FOXP1: variants seen among roughly 807,000 people sequenced by gnomAD.
FOXP1 encodes the protein forkhead box protein P1.
A neutral mutation model predicts 98.2 loss-of-function variants in FOXP1; 15 were observed. That is an observed-to-expected ratio of 0.15 (90% confidence interval 0.10 to 0.24). The LOEUF (loss-of-function observed/expected upper bound fraction) is 0.24. Ranked by LOEUF, FOXP1 falls within the 10% of genes least tolerant of loss-of-function variation. FOXP1 has a pLI of 1.00. For synonymous variants in FOXP1, 371 were observed against 314.5 expected (o/e 1.18, Z -1.90); for missense variants, 633 against 848.5 (o/e 0.75, Z 3.15).
intron 7 of FOXP1, among the ~76,000 whole-genome samples, chr3:71,063,657 A>C (rs1002141376): frequency 1.3e-5 from 2 of 152,266 alleles, no homozygotes; most frequent in East Asian, 1.9e-4. Flanking sequence ...AGTCATTGAT[A>C]GTATGATTCA....
chr3:71,283,727 T>G (rs1056981107), intron 5 of FOXP1, among the ~76,000 whole-genome samples: 1 of 152,182 alleles, frequency 6.6e-6, no homozygotes, highest in African/African-American at 2.4e-5. Context: ...AGCCTTTTGG[T>G]TTTTTTATGT....
At chr3:71,534,524 C>T (rs1436423175) in intron 2 of FOXP1, among the ~76,000 whole-genome samples, 2 of 152,202 alleles carry the variant, frequency 1.3e-5, no homozygotes, top group Admixed American at 6.5e-5. Context: ...AATTAAAAAG[C>T]TTTACTCCAA....
chr3:71,000,338 A>G (rs2041955235), intron 13 of FOXP1, among the ~76,000 whole-genome samples: 1 of 151,674 alleles, frequency 6.6e-6, no homozygotes, highest in South Asian at 2.1e-4. Context: ...ACATTAATAT[A>G]TCTGATTATG....
Position 70,957,074 on chromosome 3 carries a change from A to G in FOXP1, c.*2173T>C, listed in dbSNP as rs2032009761. The G allele has an allele frequency of 4.5e-6, 1 of 222,838 alleles. No individual in the cohort carries two copies. Among genetic ancestry groups the G allele is most frequent in the African/African-American group, 2.2e-5 (1 of 44,808 alleles). 13.8% of individuals were successfully genotyped at this position (222,838 alleles called of 1,614,324 possible). ...TTCTAGAAATACTATTATGTAATCT[A>G]GTTCAATTATGGAAGCTTTTCTGTC... On this transcript the variant is annotated 3_prime_UTR_variant, in exon 21 of 21. Transcript: ENST00000649528.
At chr3:71,000,732 T>G (rs1041391252) in intron 13 of FOXP1, among the ~76,000 whole-genome samples, 2 of 151,054 alleles carry the variant, frequency 1.3e-5, no homozygotes, top group Non-Finnish European at 2.9e-5. Context: ...TGCCCAGAAT[T>G]TGGAAACCTC....
chr3:71,141,266 C>CA (rs71621921), intron 6 of FOXP1, among the ~76,000 whole-genome samples: 23,330 of 71,304 alleles, frequency 0.33, 3,280 homozygotes, highest in East Asian at 0.45. Flanking sequence ...GACTCTGTCT[C>CA]AAAAAAAAAA....
intron 12 of FOXP1, among the ~76,000 whole-genome samples, chr3:71,009,972 T>A (rs2043354842): frequency 6.7e-6 from 1 of 150,160 alleles, no homozygotes; most frequent in African/African-American, 2.5e-5. Context: ...ACCTGGCTGG[T>A]CTCAAACTCT....
At chr3:71,065,564 C>T (rs1237828332) in intron 7 of FOXP1, 1 of 152,250 alleles carries the variant, frequency 6.6e-6, no homozygotes, top group Non-Finnish European at 1.5e-5. Flanking sequence ...CAAAGTGTGC[C>T]AGTGCGCACC....
intron 3 of FOXP1, among the ~76,000 whole-genome samples, chr3:71,457,720 G>T (rs1039593091): frequency 2.0e-5 from 3 of 152,110 alleles, no homozygotes; most frequent in African/African-American, 7.2e-5. Flanking sequence ...TTAACCACTG[G>T]GTCAAAATTT....
intron 3 of FOXP1, among the ~76,000 whole-genome samples, chr3:71,458,890 A>T (rs1454664911): frequency 6.6e-6 from 1 of 152,372 alleles, no homozygotes; most frequent in Middle Eastern, 3.4e-3. Context: ...TGACAGTCAC[A>T]AAGAACCTTG....
intron 7 of FOXP1, among the ~76,000 whole-genome samples, chr3:71,096,913 C>T (rs1257930568): frequency 2.0e-5 from 3 of 152,080 alleles, no homozygotes; most frequent in Non-Finnish European, 4.4e-5. Context: ...TATCTTAATG[C>T]ACGGATAGAT....
chr3:71,482,111 G>A (rs1044984342), intron 3 of FOXP1, among the ~76,000 whole-genome samples: 2 of 152,154 alleles, frequency 1.3e-5, no homozygotes, highest in South Asian at 2.1e-4. Context: ...CGCACATGTC[G>A]CCTGCTGTCT....
At chr3:71,378,901 C>A (rs962259727) in intron 3 of FOXP1, among the ~76,000 whole-genome samples, 2 of 151,868 alleles carry the variant, frequency 1.3e-5, no homozygotes, top group African/African-American at 4.8e-5. Flanking sequence ...GGAATGTATC[C>A]CCCATGAATA....
intron 2 of FOXP1, among the ~76,000 whole-genome samples, chr3:71,504,534 A>G (rs1050320193): frequency 1.3e-5 from 2 of 152,244 alleles, no homozygotes; most frequent in Admixed American, 6.5e-5. Flanking sequence ...ATTAAAAAAT[A>G]AAACCAAACT....
At chr3:71,320,970 T>G (rs1053270388) in intron 4 of FOXP1, among the ~76,000 whole-genome samples, 6 of 152,162 alleles carry the variant, frequency 3.9e-5, no homozygotes, top group African/African-American at 1.4e-4. Flanking sequence ...TAAAATCATC[T>G]TATTGTTTAT....
intron 15 of FOXP1, 28 bp from the exon 16 acceptor site, chr3:70,977,750 T>C (rs772274319): frequency 6.0e-5 from 96 of 1,612,854 alleles, no homozygotes; most frequent in Middle Eastern, 1.6e-4. Context: ...TCCTATTAAT[T>C]ATCACTTTTT....
At chr3:71,179,798 G>C (rs1470864513) in intron 6 of FOXP1, among the ~76,000 whole-genome samples, 1 of 152,204 alleles carries the variant, frequency 6.6e-6, no homozygotes, top group East Asian at 1.9e-4. Context: ...GATTGCAAGC[G>C]ATATAGCTTT....
chr3:71,520,540 C>A (rs1395284954), intron 2 of FOXP1, among the ~76,000 whole-genome samples: 1 of 152,194 alleles, frequency 6.6e-6, no homozygotes, highest in Non-Finnish European at 1.5e-5. Flanking sequence ...TATAAGGGGG[C>A]CTTTCCCCCA....
chr3:71,559,953 A>G (rs1014717852), intron 2 of FOXP1, among the ~76,000 whole-genome samples: 4 of 152,200 alleles, frequency 2.6e-5, no homozygotes, highest in African/African-American at 9.6e-5. Context: ...GGAAATGCTT[A>G]CATGGCAGAA....
Sources: gnomAD v4.1 joint callset for allele counts (sites outside exome capture counted in the v4.1 genomes callset) on GRCh38, gnomAD v4.1.1 for gene constraint, MANE v1.5 for transcripts, NCBI Gene and HGNC (gene_info 2026-07-23, HGNC 2026-07-21) for gene names.